The following SMC4 variants were observed in gnomAD, a reference collection of about 807,000 sequenced individuals.
SMC4 encodes the protein structural maintenance of chromosomes protein 4.
In SMC4, 87 loss-of-function variants were observed where a neutral mutation model predicts 145.6. The observed-to-expected ratio is 0.60, with a 90% CI of 0.50 to 0.71. The LOEUF (loss-of-function observed/expected upper bound fraction) is 0.71, where lower values mean the gene tolerates loss of function less well. Ranked by LOEUF, SMC4 falls within the 30% of genes least tolerant of loss-of-function variation. The pLI, the probability that SMC4 is intolerant of heterozygous loss-of-function variation, is 0.00. For synonymous variants in SMC4, 558 were observed against 500.7 expected, an observed-to-expected ratio of 1.11 and a Z score of -1.53; for missense variants, 1,447 against 1,537.1, an observed-to-expected ratio of 0.94 and a Z score of 0.98.
At chr3:160,414,546 T>C in intron 9 of SMC4, 29 bp downstream of exon 9, 1 of 1,591,026 alleles carries the variant, frequency 6.3e-7, no homozygotes. Context: ...TTCTTAAAAT[T>C]TCACGTCTGA....
intron 11 of SMC4, 28 bp downstream of exon 11, chr3:160,417,984 G>A: frequency 6.4e-7 from 1 of 1,556,352 alleles, no homozygotes; most frequent in South Asian, 1.1e-5. Flanking sequence ...TGTTGCATCA[G>A]AACATCATTC....
chr3:160,420,585 TAC>T (rs912018696), intron 12 of SMC4, 153 bp from the exon 13 acceptor site: 1 of 612,720 alleles, frequency 1.6e-6, no homozygotes, highest in African/African-American at 1.9e-5. Context: ...CATAAACTTA[TAC>T]ATATTTTGTA....
chr3:160,415,412 C>G (rs1716477207), intron 9 of SMC4, among the ~76,000 whole-genome samples: 1 of 152,166 alleles, frequency 6.6e-6, no homozygotes, highest in South Asian at 2.1e-4. Flanking sequence ...AAGCTGTGTT[C>G]ATGTTCATAG....
intron 13 of SMC4, 66 bp from the exon 14 acceptor site, chr3:160,423,358 TG>T (rs200586188): frequency 0.063 from 38,687 of 609,474 alleles, 2,753 homozygotes; most frequent in African/African-American, 0.083. Flanking sequence ...GGTTTTTTTT[TG>T]TTTTTTTTTT....
At chr3:160,426,719 T>C (rs1717832948) in intron 17 of SMC4, among the ~76,000 whole-genome samples, 1 of 152,234 alleles carries the variant, frequency 6.6e-6, no homozygotes, top group Non-Finnish European at 1.5e-5. Context: ...GAATTGGCTC[T>C]GTAGCCTTAA....
rs759708371 is a variant in SMC4, at chr3:160,404,391, G to T, written c.574G>T (p.Asp192Tyr). 6.2e-7 allele frequency: 1 copy of T among 1,611,078 alleles called. No homozygotes were observed. Among genetic ancestry groups the T allele is most frequent in the Admixed American group, 1.7e-5 (1 of 59,354 alleles). ...NFYVSRTACR[D>Y]NTSVYHISGK... ...CTATGTATCCAGAACGGCCTGCAGAGATAATACTTCTGTCTATCACATAAG... is the reference window on the plus strand; with the variant it reads ...CTATGTATCCAGAACGGCCTGCAGATATAATACTTCTGTCTATCACATAAG... The change falls in exon 5 of 24, where the codon GAT (aspartate) becomes TAT (tyrosine). Residue 192 changes from aspartate (D) to tyrosine (Y), a missense_variant. Transcript: ENST00000357388.
At position 160,434,041 on chromosome 3, in the gene SMC4, C is replaced by A. The variant is rs1718723048; in HGVS notation, c.*232C>A. 2 of 336,776 alleles carry A rather than the reference C, an allele frequency of 5.9e-6. No homozygotes were observed. The highest frequency in any genetic ancestry group is 1.1e-5 in the Non-Finnish European group (2 of 186,808). 20.9% of individuals were successfully genotyped at this position (336,776 alleles called of 1,614,324 possible). On this transcript the variant is annotated 3_prime_UTR_variant, in exon 24 of 24. Transcript: ENST00000357388. ...GCAGACTATGGAGAAAAATGAGTTA[C>A]CTGGAGGGTCAGGTAACTTGCCAAA...
intron 10 of SMC4, 83 bp from the exon 11 acceptor site, chr3:160,417,640 C>T (rs1451760): frequency 0.44 from 464,312 of 1,057,088 alleles, 106,328 homozygotes; most frequent in Non-Finnish European, 0.48. Context: ...TTTCTTAAAT[C>T]GAATATAAAA....
chr3:160,407,495 G>C (rs1715466551), intron 5 of SMC4, among the ~76,000 whole-genome samples: 1 of 152,116 alleles, frequency 6.6e-6, no homozygotes, highest in African/African-American at 2.4e-5. Context: ...AGAGGTTGCA[G>C]TGAGCCAACA....
intron 8 of SMC4, 166 bp from the exon 9 acceptor site, chr3:160,414,201 T>G (rs760827677): frequency 2.4e-5 from 16 of 658,700 alleles, no homozygotes; most frequent in Middle Eastern, 2.5e-4. Flanking sequence ...TACAGGTGCT[T>G]CTTCAACTAT....
chr3:160,415,809 C>T (rs1310590830), intron 9 of SMC4, among the ~76,000 whole-genome samples: 2 of 152,128 alleles, frequency 1.3e-5, no homozygotes, highest in Admixed American at 6.5e-5. Context: ...AAATATTAGC[C>T]CTACATGATG....
intron 2 of SMC4, among the ~76,000 whole-genome samples, chr3:160,401,424 C>G (rs78846197): frequency 6.6e-6 from 1 of 152,100 alleles, no homozygotes. Context: ...TTTGAAGCCA[C>G]TGTAGCTTTT....
At chr3:160,415,900 G>A (rs1716527731) in intron 9 of SMC4, among the ~76,000 whole-genome samples, 1 of 152,214 alleles carries the variant, frequency 6.6e-6, no homozygotes, top group African/African-American at 2.4e-5. Flanking sequence ...TGATATACCA[G>A]GAAGGATAGT....
Position 160,428,866 on chromosome 3 carries a change from GATAAA to G in SMC4, c.2725_2729del (p.Ile909Ter), listed in dbSNP as rs768267497. 1.2e-6 allele frequency: 2 copies of G among 1,606,100 alleles called. No individual in the cohort carries two copies. The highest frequency in any genetic ancestry group is 1.1e-5 in the South Asian group (1 of 89,060). ...ACTCAAGGCCCAACAAGACAAACTT[GATAAA>G]ATAAATAAGCAATTAGATGAATGTG... On this transcript the variant is annotated frameshift_variant, in exon 18 of 24. Coordinates refer to ENST00000357388, the MANE Select transcript of SMC4 (RefSeq NM_001002800.3). LOFTEE classifies it high-confidence loss of function.
chr3:160,432,195 A>G (rs1019058329), intron 21 of SMC4, 88 bp from the exon 22 acceptor site: 12 of 1,052,286 alleles, frequency 1.1e-5, no homozygotes, highest in South Asian at 8.0e-5. Flanking sequence ...GGGCAAGACT[A>G]CGTCTCAAAA....
In SMC4 at chr3:160,434,710, G is replaced by C. The variant is rs1196201248; in HGVS notation, c.*901G>C. On this transcript the variant is annotated 3_prime_UTR_variant, in exon 24 of 24. Coordinates refer to ENST00000357388, the MANE Select transcript of SMC4 (RefSeq NM_001002800.3). ...GGCTCAAGAATGTTATAATGCTAAGGGACATAAGTTGGCAACCACTTGGTT... is the reference window on the plus strand; with the variant it reads ...GGCTCAAGAATGTTATAATGCTAAGCGACATAAGTTGGCAACCACTTGGTT... The C allele has an allele frequency of 6.6e-6, 1 of 152,180 alleles. No individual in the cohort carries two copies. The highest frequency in any genetic ancestry group is 2.4e-5 in the African/African-American group (1 of 41,440). The allele number at this position is 152,180 out of a possible 1,614,324, so 9.4% of individuals were successfully genotyped here. A position where few individuals can be genotyped will look rare whatever the true frequency, so the allele number is the denominator to read the frequency against.
At position 160,402,025 on chromosome 3, in the gene SMC4, A is replaced by T. The variant is rs1559986577; in HGVS notation, c.250A>T (p.Ile84Leu). The change falls in exon 3 of 24, where the codon ATA becomes TTA. Residue 84 changes from isoleucine to leucine, a missense_variant. By Grantham distance (5) the Ile-to-Leu change is conservative. Transcript: ENST00000357388. ...TNEAGAPRLM[I>L]THIVNQNFKS... ...TGAAGCTGGAGCTCCTCGGCTTATGATAACTCATATTGTAAACCAGAACTT... is the reference window on the plus strand; with the variant it reads ...TGAAGCTGGAGCTCCTCGGCTTATGTTAACTCATATTGTAAACCAGAACTT... The T allele has an allele frequency of 6.3e-7, 1 of 1,599,634 alleles. No homozygotes were observed. Among genetic ancestry groups the T allele is most frequent in the Non-Finnish European group, 8.5e-7 (1 of 1,174,380 alleles).
At chr3:160,401,310 C>G (rs1312823492) in intron 2 of SMC4, among the ~76,000 whole-genome samples, 4 of 151,984 alleles carry the variant, frequency 2.6e-5, no homozygotes, top group Non-Finnish European at 2.9e-5. Context: ...GGACTTTTTT[C>G]CCAGAGACAA....
rs1403290734 is a variant in SMC4 at position 160,432,474 on chromosome 3, T to G, written c.3489T>G (p.Leu1163=). The change falls in exon 22 of 24, where the codon CTT becomes CTG. Residue 1163 remains leucine, a synonymous_variant. Coordinates refer to ENST00000357388, the MANE Select transcript of SMC4 (RefSeq NM_001002800.3). Reference sequence around the variant, plus strand: ...TGGGAGGGGACGCCGAACTCGAGCTTGTAGACAGCTTGGATCCTTTCTCTG... The same window carrying G: ...TGGGAGGGGACGCCGAACTCGAGCTGGTAGACAGCTTGGATCCTTTCTCTG... ...LTLGGDAELE[L]VDSLDPFSEG... is the part of the protein sequence containing the mutation. 3.7e-6 allele frequency: 6 copies of G among 1,612,054 alleles called. No homozygotes were observed. The Admixed American group carries it at 8.4e-5, about 22-fold the overall frequency.
Sources: gnomAD v4.1 joint callset for allele counts (sites outside exome capture counted in the v4.1 genomes callset) on GRCh38, gnomAD v4.1.1 for gene constraint, MANE v1.5 for transcripts, NCBI Gene and HGNC (gene_info 2026-07-23, HGNC 2026-07-21) for gene names.